TNIK: variants seen among roughly 807,000 people sequenced by gnomAD.
TNIK encodes the protein TRAF2 and NCK interacting kinase.
TNIK carries 49 observed loss-of-function variants against 191.3 expected under a neutral mutation model. The ratio of observed to expected loss-of-function variants is 0.26; its 90% CI spans 0.20 to 0.32. The LOEUF (loss-of-function observed/expected upper bound fraction) is 0.32, where lower values mean the gene tolerates loss of function less well. TNIK is among the 10% of genes least tolerant of loss of function. The probability of loss-of-function intolerance (pLI) is 1.00; values close to 1 mark genes in which losing one functional copy is unlikely to be tolerated. For missense variants in TNIK, 1,155 were observed against 1,702.3 expected (o/e 0.68, Z 5.66); for synonymous variants, 594 against 600.9 (o/e 0.99, Z 0.17).
intron 1 of TNIK, among the ~76,000 whole-genome samples, chr3:171,428,641 ACT>A (rs1724960829): frequency 1.4e-5 from 2 of 146,640 alleles, no homozygotes; most frequent in Non-Finnish European, 3.0e-5. Context: ...ACTACAGATA[ACT>A]CTGCTTCCAA....
At chr3:171,328,306 T>C (rs1756041432) in intron 2 of TNIK, among the ~76,000 whole-genome samples, 1 of 152,144 alleles carries the variant, frequency 6.6e-6, no homozygotes, top group Admixed American at 6.6e-5. Flanking sequence ...CTCACCAGGC[T>C]CCAGACCTGT....
intron 12 of TNIK, among the ~76,000 whole-genome samples, chr3:171,144,361 G>A (rs527396068): frequency 3.9e-4 from 59 of 152,120 alleles, no homozygotes; most frequent in African/African-American, 1.4e-3. Flanking sequence ...TTTGTCTTCT[G>A]TTGATGTTCG....
At chr3:171,167,035 A>G in intron 10 of TNIK, 60 bp downstream of exon 10, 1 of 1,553,210 alleles carries the variant, frequency 6.4e-7, no homozygotes, top group Non-Finnish European at 8.7e-7. Flanking sequence ...AAATACATCA[A>G]GCGCCCATGA....
At chr3:171,360,806 G>C (rs1714859338) in intron 2 of TNIK, among the ~76,000 whole-genome samples, 1 of 152,164 alleles carries the variant, frequency 6.6e-6, no homozygotes, top group African/African-American at 2.4e-5. Context: ...AGGCTTTCCT[G>C]GTCTTCCCAC....
intron 2 of TNIK, among the ~76,000 whole-genome samples, chr3:171,266,834 T>G (rs1300074648): frequency 6.6e-6 from 1 of 152,214 alleles, no homozygotes; most frequent in Non-Finnish European, 1.5e-5. Flanking sequence ...CAGCTTAAGT[T>G]AAACCGGCTT....
intron 9 of TNIK, among the ~76,000 whole-genome samples, chr3:171,174,845 A>G (rs1424677763): frequency 2.0e-5 from 3 of 152,082 alleles, no homozygotes; most frequent in African/African-American, 7.3e-5. Flanking sequence ...TGGTATGTAT[A>G]TGCACTTAGG....
intron 2 of TNIK, among the ~76,000 whole-genome samples, chr3:171,341,709 G>A (rs1577548020): frequency 6.6e-6 from 1 of 152,062 alleles, no homozygotes; most frequent in Admixed American, 6.5e-5. Context: ...ATCAGGCACT[G>A]GTCTACGCAG....
At position 171,381,395 on chromosome 3, in the gene TNIK, T is replaced by C. The variant is rs563299146; in HGVS notation, c.58-11710A>G. Reference sequence around the variant, plus strand: ...GTGAATCTCCAAGACAGGGCAAAGCTTTTCATATTTTCCTAACTTGTCTGG... The same window carrying C: ...GTGAATCTCCAAGACAGGGCAAAGCCTTTCATATTTTCCTAACTTGTCTGG... On this transcript the variant is annotated intron_variant, in intron 1 of 32. Transcript: ENST00000436636. 3.9e-5 allele frequency among the ~76,000 whole-genome samples: 6 copies of C among 152,264 alleles called. No homozygotes were observed. In the South Asian group the frequency reaches 1.2e-3, roughly 32 times the overall value.
chr3:171,078,264 T>C (rs1720241018), intron 28 of TNIK, among the ~76,000 whole-genome samples: 1 of 152,134 alleles, frequency 6.6e-6, no homozygotes, highest in East Asian at 1.9e-4. Flanking sequence ...TTCAATACTT[T>C]CATTTCATAT....
At chr3:171,407,065 A>G (rs1721793827) in intron 1 of TNIK, among the ~76,000 whole-genome samples, 1 of 152,150 alleles carries the variant, frequency 6.6e-6, no homozygotes, top group African/African-American at 2.4e-5. Flanking sequence ...AGGGGAGAGA[A>G]TGGTCAAGAG....
intron 1 of TNIK, among the ~76,000 whole-genome samples, chr3:171,435,770 G>T (rs555199566): frequency 6.6e-6 from 1 of 151,998 alleles, no homozygotes; most frequent in Non-Finnish European, 1.5e-5. Context: ...CAATTTTTAG[G>T]GTTTTTCATA....
intron 8 of TNIK, among the ~76,000 whole-genome samples, chr3:171,175,568 C>T (rs986760568): frequency 3.3e-5 from 5 of 152,188 alleles, no homozygotes; most frequent in Non-Finnish European, 5.9e-5. Flanking sequence ...CTAGTGAATA[C>T]ATGTTTACTT....
chr3:171,091,649 C>T (rs1028427226), intron 23 of TNIK, among the ~76,000 whole-genome samples: 5 of 151,886 alleles, frequency 3.3e-5, no homozygotes, highest in African/African-American at 7.3e-5. Flanking sequence ...GCAGGGGAAT[C>T]GCCTGAACCC....
At chr3:171,341,633 T>C (rs1418488951) in intron 2 of TNIK, among the ~76,000 whole-genome samples, 1 of 151,982 alleles carries the variant, frequency 6.6e-6, no homozygotes, top group Non-Finnish European at 1.5e-5. Context: ...CAAGGCATTA[T>C]GCGGAAACAA....
chr3:171,145,310 T>C (rs558652170), intron 12 of TNIK, among the ~76,000 whole-genome samples: 1 of 152,100 alleles, frequency 6.6e-6, no homozygotes, highest in African/African-American at 2.4e-5. Flanking sequence ...ATGGTCTCGA[T>C]CTCCTGACCT....
chr3:171,068,811 A>G (rs1462505474), intron 30 of TNIK, 37 bp downstream of exon 30: 4 of 1,592,190 alleles, frequency 2.5e-6, no homozygotes, highest in Non-Finnish European at 3.4e-6. Context: ...AGGCTGTTGT[A>G]CAGAGAGCCC....
chr3:171,397,477 G>T (rs1720402865), intron 1 of TNIK, among the ~76,000 whole-genome samples: 1 of 152,178 alleles, frequency 6.6e-6, no homozygotes, highest in Admixed American at 6.5e-5. Context: ...CTAGGAAGCA[G>T]AAATTCTCAG....
At chr3:171,174,038 G>A (rs1401375123) in intron 9 of TNIK, among the ~76,000 whole-genome samples, 1 of 152,152 alleles carries the variant, frequency 6.6e-6, no homozygotes, top group Non-Finnish European at 1.5e-5. Context: ...GCAGAGGAAG[G>A]AGGAGCAGGG....
intron 2 of TNIK, among the ~76,000 whole-genome samples, chr3:171,329,938 A>C (rs1756229466): frequency 6.6e-6 from 1 of 152,222 alleles, no homozygotes; most frequent in South Asian, 2.1e-4. Context: ...CTAATCTTAC[A>C]GTACGACTTT....
Sources: gnomAD v4.1 joint callset for allele counts (sites outside exome capture counted in the v4.1 genomes callset) on GRCh38, gnomAD v4.1.1 for gene constraint, MANE v1.5 for transcripts, NCBI Gene and HGNC (gene_info 2026-07-23, HGNC 2026-07-21) for gene names.